TCF7L2: variants seen among roughly 807,000 people sequenced by gnomAD.
TCF7L2 encodes transcription factor 7-like 2.
Under a neutral mutation model 77.9 loss-of-function variants are expected in TCF7L2, and 23 were observed. That is an observed-to-expected ratio of 0.30 (90% confidence interval 0.21 to 0.42). TCF7L2 has a LOEUF of 0.42. Among genes scored for constraint, TCF7L2 ranks in the 10% least tolerant of loss-of-function variants. The pLI is 1.00. For missense variants in TCF7L2, 654 were observed against 793.1 expected (o/e 0.82, Z 2.11); for synonymous variants, 413 against 340.2 (o/e 1.21, Z -2.36).
At chr10:113,065,936 G>T (rs2057186116) in intron 5 of TCF7L2, among the ~76,000 whole-genome samples, 1 of 152,184 alleles carries the variant, frequency 6.6e-6, no homozygotes, top group African/African-American at 2.4e-5. Context: ...ATAAGGCTGT[G>T]ATAATTCTTA....
intron 5 of TCF7L2, among the ~76,000 whole-genome samples, chr10:113,059,369 A>C (rs115684507): frequency 0.013 from 1,862 of 148,690 alleles, 42 homozygotes; most frequent in African/African-American, 0.044. Flanking sequence ...TGGCAAAACC[A>C]TGCAAACATT....
At chr10:112,964,808 G>GTGATGGTGGTGGTGGTGA (rs1491120129) in intron 4 of TCF7L2, among the ~76,000 whole-genome samples, 184 bp downstream of exon 4, 150 of 116,990 alleles carry the variant, frequency 1.3e-3, no homozygotes, top group East Asian at 3.4e-3. Context: ...GGTGGTGGTG[G>GTGATGGTGGTGGTGGTGA]TGGTGGGGGG....
intron 5 of TCF7L2, among the ~76,000 whole-genome samples, chr10:113,140,789 G>A (rs1360602483): frequency 1.3e-5 from 2 of 152,132 alleles, no homozygotes; most frequent in African/African-American, 4.8e-5. Context: ...TGCAGCCTGC[G>A]TGCCTCCTGG....
Position 113,166,315 on chromosome 10 carries a change from G to T in TCF7L2, c.*343G>T. On this transcript the variant is annotated 3_prime_UTR_variant, in exon 14 of 14. Transcript: ENST00000627217. ...TAAAAGACTGATTAAAAAACAAAAA[G>T]AAAAAAAAAGCAATTTTGAAGCAGC... is the stretch of plus-strand genomic sequence containing the variant. The T allele has an allele frequency of 4.2e-6, 1 of 239,588 alleles. No homozygotes were observed. The allele number at this position is 239,588 out of a possible 1,614,324, so 14.8% of individuals were successfully genotyped here.
At chr10:113,143,095 A>G (rs879933009) in intron 6 of TCF7L2, among the ~76,000 whole-genome samples, 2 of 152,216 alleles carry the variant, frequency 1.3e-5, no homozygotes, top group Admixed American at 6.5e-5. Flanking sequence ...TCCCACTTCA[A>G]TGGCATACAT....
At chr10:112,981,624 G>T (rs1327909264) in intron 4 of TCF7L2, among the ~76,000 whole-genome samples, 2 of 152,158 alleles carry the variant, frequency 1.3e-5, no homozygotes, top group Admixed American at 6.5e-5. Context: ...AGTGAAAGGA[G>T]CCCGACAATG....
In TCF7L2 at chr10:113,087,216, A is replaced by G. The variant is rs565413161; in HGVS notation, c.552+47090A>G. 2.6e-5 allele frequency among the ~76,000 whole-genome samples: 4 copies of G among 152,320 alleles called. No homozygotes were observed. The East Asian group carries it at 7.7e-4, about 29-fold the overall frequency. Reference sequence around the variant, plus strand: ...GTGTTTAACATTTCCATAATGTACAATTTCCTCTAAGAGTAAAGGCCATGA... The same window carrying G: ...GTGTTTAACATTTCCATAATGTACAGTTTCCTCTAAGAGTAAAGGCCATGA... On this transcript the variant is annotated intron_variant, in intron 5 of 13. Transcript: ENST00000627217.
chr10:113,009,124 T>TG (rs1434704174), intron 4 of TCF7L2, among the ~76,000 whole-genome samples: 1 of 152,092 alleles, frequency 6.6e-6, no homozygotes, highest in Non-Finnish European at 1.5e-5. Context: ...TTTGAAGAGA[T>TG]GGGGTCTCAC....
intron 5 of TCF7L2, among the ~76,000 whole-genome samples, chr10:113,063,950 G>A (rs184694145): frequency 7.3e-5 from 11 of 150,622 alleles, no homozygotes; most frequent in African/African-American, 9.7e-5. Flanking sequence ...ATGATGTGTC[G>A]TCATCCAAGC....
At chr10:112,958,131 C>A (rs2034167392) in intron 3 of TCF7L2, among the ~76,000 whole-genome samples, 1 of 152,186 alleles carries the variant, frequency 6.6e-6, no homozygotes. Context: ...CCGAGGTGTT[C>A]TTTGCTTTTC....
intron 11 of TCF7L2, among the ~76,000 whole-genome samples, chr10:113,155,321 C>T (rs73362222): frequency 6.6e-6 from 1 of 152,098 alleles, no homozygotes; most frequent in Non-Finnish European, 1.5e-5. Flanking sequence ...GGATAGAGGT[C>T]CCATGCCATT....
At chr10:113,109,292 T>C (rs548542840) in intron 5 of TCF7L2, among the ~76,000 whole-genome samples, 10 of 152,358 alleles carry the variant, frequency 6.6e-5, no homozygotes, top group African/African-American at 2.4e-4. Context: ...GGGGAAACAA[T>C]TTTATTCCTG....
At chr10:113,061,074 C>A (rs1040424826) in intron 5 of TCF7L2, among the ~76,000 whole-genome samples, 30 of 152,158 alleles carry the variant, frequency 2.0e-4, no homozygotes, top group African/African-American at 7.2e-4. Context: ...TACCCTCCTC[C>A]CTTTGAATCT....
At chr10:112,993,625 C>T (rs2042978924) in intron 4 of TCF7L2, among the ~76,000 whole-genome samples, 1 of 152,218 alleles carries the variant, frequency 6.6e-6, no homozygotes, top group Non-Finnish European at 1.5e-5. Context: ...TTATCGTTAT[C>T]TGTAAGTTAT....
At chr10:113,125,255 A>T (rs866401747) in intron 5 of TCF7L2, among the ~76,000 whole-genome samples, 1 of 149,306 alleles carries the variant, frequency 6.7e-6, no homozygotes, top group African/African-American at 2.5e-5. Flanking sequence ...AAAAAAAAAA[A>T]GTCGTCTTTT....
intron 13 of TCF7L2, among the ~76,000 whole-genome samples, chr10:113,164,754 CT>C (rs140468613): frequency 5.3e-5 from 8 of 151,420 alleles, no homozygotes; most frequent in Admixed American, 1.3e-4. Flanking sequence ...TTGGTGGTTT[CT>C]TTTTTTTGTT....
intron 5 of TCF7L2, among the ~76,000 whole-genome samples, chr10:113,134,757 G>GT (rs2067149551): frequency 6.6e-6 from 1 of 152,220 alleles, no homozygotes; most frequent in Non-Finnish European, 1.5e-5. Context: ...GGAGTGAATG[G>GT]TGTCCCTTCC....
intron 5 of TCF7L2, among the ~76,000 whole-genome samples, chr10:113,094,370 A>T (rs1214729514): frequency 1.3e-5 from 2 of 152,166 alleles, no homozygotes; most frequent in East Asian, 1.9e-4. Flanking sequence ...ACAAATATAG[A>T]TATTGCTTCA....
intron 5 of TCF7L2, among the ~76,000 whole-genome samples, chr10:113,112,353 C>G (rs1245343210): frequency 6.6e-6 from 1 of 152,256 alleles, no homozygotes; most frequent in Non-Finnish European, 1.5e-5. Context: ...CACACACATG[C>G]ACACATGCGT....
Sources: allele counts gnomAD v4.1 joint callset (sites outside exome capture counted in the v4.1 genomes callset), GRCh38; gene constraint gnomAD v4.1.1; transcripts MANE v1.5; gene names NCBI Gene and HGNC (gene_info 2026-07-23, HGNC 2026-07-21).